The following AIG1 variants were observed in gnomAD, a reference collection of about 807,000 sequenced individuals.
The protein encoded by AIG1 is androgen-induced gene 1 protein.
AIG1 carries 23 observed loss-of-function variants against 31.4 expected under a neutral mutation model. The ratio of observed to expected loss-of-function variants is 0.73; its 90% CI spans 0.53 to 1.04. The LOEUF (loss-of-function observed/expected upper bound fraction) is 1.04. Among genes scored for constraint, AIG1 ranks in the 50% least tolerant of loss-of-function variants. The pLI, the probability that AIG1 is intolerant of heterozygous loss-of-function variation, is 0.00. For missense variants in AIG1, 274 were observed against 295.0 expected, an observed-to-expected ratio of 0.93 and a Z score of 0.52; for synonymous variants, 100 against 110.5, an observed-to-expected ratio of 0.90 and a Z score of 0.60.
intron 3 of AIG1, among the ~76,000 whole-genome samples, chr6:143,244,866 T>C (rs897583207): frequency 2.0e-5 from 3 of 152,188 alleles, no homozygotes; most frequent in African/African-American, 7.2e-5. Context: ...CACTAAAGCC[T>C]TTCTCACAAC....
intron 3 of AIG1, chr6:143,187,594 G>A: frequency 6.5e-7 from 1 of 1,536,078 alleles, no homozygotes; most frequent in Non-Finnish European, 8.7e-7. Context: ...GGGAGAGAAG[G>A]CAATTAAAAG....
intron 1 of AIG1, among the ~76,000 whole-genome samples, chr6:143,116,616 G>A (rs191285787): frequency 1.1e-3 from 163 of 150,756 alleles, no homozygotes; most frequent in South Asian, 5.3e-3. Context: ...GGCCTATTTT[G>A]CCAAATCCCT....
At chr6:143,304,022 C>CT (rs1463491022) in intron 4 of AIG1, among the ~76,000 whole-genome samples, 1 of 146,552 alleles carries the variant, frequency 6.8e-6, no homozygotes, top group Non-Finnish European at 1.5e-5. Context: ...ATTTGGCTCT[C>CT]TGTTTGTCTG....
In AIG1 at chr6:143,298,322, A is replaced by G. The variant is rs927740175; in HGVS notation, c.515+14097A>G. 1.3e-5 allele frequency among the ~76,000 whole-genome samples: 2 copies of G among 152,146 alleles called. No homozygotes were observed. On this transcript the variant is annotated intron_variant, in intron 4 of 5. Coordinates refer to ENST00000357847, the MANE Select transcript of AIG1 (RefSeq NM_016108.4). The surrounding 1 kb of genome is among the most constrained non-coding windows in gnomAD (Gnocchi z 5.1). ...ATCAGGCCAAGTGCCTTCTATAAACATGTTCCCCTTATTCTCCCTTTGCCA... is the reference window on the plus strand; with the variant it reads ...ATCAGGCCAAGTGCCTTCTATAAACGTGTTCCCCTTATTCTCCCTTTGCCA...
rs1776798323 is a variant in AIG1 at position 143,328,575 on chromosome 6, G to A, written c.516-4707G>A. On this transcript the variant is annotated intron_variant, in intron 4 of 5. Transcript: ENST00000357847. The surrounding 1 kb of genome is among the most constrained non-coding windows in gnomAD (Gnocchi z 4.0). The stretch of plus-strand genomic sequence containing the variant: ...TTCTCATTACACTGTACTCCATGAG[G>A]ACAGGAGTTAGCTCTGCCTCATTTA... Among the ~76,000 whole-genome samples, 1 of 152,236 alleles carries A rather than the reference G, an allele frequency of 6.6e-6. No individual in the cohort carries two copies. Among genetic ancestry groups the A allele is most frequent in the Admixed American group, 6.5e-5 (1 of 15,290 alleles).
intron 1 of AIG1, among the ~76,000 whole-genome samples, chr6:143,127,520 C>T (rs1278169526): frequency 6.6e-6 from 1 of 152,210 alleles, no homozygotes; most frequent in African/African-American, 2.4e-5. Context: ...GACAAATATA[C>T]TCTGGCCTTT....
At chr6:143,250,115 C>T (rs1794909641) in intron 3 of AIG1, among the ~76,000 whole-genome samples, 1 of 152,208 alleles carries the variant, frequency 6.6e-6, no homozygotes, top group South Asian at 2.1e-4. Flanking sequence ...CTGGTTGAGC[C>T]CAGGCGTGGT....
chr6:143,343,177 T>C, downstream of AIG1: 1 of 725,936 alleles, frequency 1.4e-6, no homozygotes, highest in South Asian at 1.4e-5. Context: ...GGAAATGCCC[T>C]ACAATCCATT....
intron 1 of AIG1, among the ~76,000 whole-genome samples, chr6:143,083,636 T>C (rs898514946): frequency 2.0e-5 from 3 of 152,208 alleles, no homozygotes; most frequent in African/African-American, 7.2e-5. Context: ...AATTGGAGTA[T>C]TGCAGGGGCT....
intron 1 of AIG1, among the ~76,000 whole-genome samples, chr6:143,136,484 A>G (rs1016150475): frequency 6.6e-6 from 1 of 152,232 alleles, no homozygotes; most frequent in African/African-American, 2.4e-5. Flanking sequence ...TGATTTAGAC[A>G]TGACATAGAA....
intron 3 of AIG1, among the ~76,000 whole-genome samples, chr6:143,211,848 A>C (rs1256261235): frequency 1.3e-5 from 2 of 151,914 alleles, no homozygotes; most frequent in Non-Finnish European, 2.9e-5. Context: ...CGCTGAGATC[A>C]CACCACTGCA....
At position 143,303,145 on chromosome 6, in the gene AIG1, G is replaced by A. The variant is rs541477445; in HGVS notation, c.515+18920G>A. 9.1e-3 allele frequency among the ~76,000 whole-genome samples: 1,389 copies of A among 151,998 alleles called. 15 individuals carry two copies. The highest frequency in any genetic ancestry group is 0.032 in the African/African-American group (1,337 of 41,444). On this transcript the variant is annotated intron_variant, in intron 4 of 5. Coordinates refer to ENST00000357847, the MANE Select transcript of AIG1 (RefSeq NM_016108.4). ...TATTAGCCCTTTGTCAGATGAGTAG[G>A]TTGTGAAAATTTTCTCCCATTTTGT...
chr6:143,172,822 A>G (rs1460864137), intron 3 of AIG1, among the ~76,000 whole-genome samples: 2 of 152,040 alleles, frequency 1.3e-5, no homozygotes, highest in South Asian at 2.1e-4. Context: ...GAATTTATCC[A>G]TCTCCTCTAG....
rs57503677 is a variant in AIG1 at position 143,297,091 on chromosome 6, CA to C, written c.515+12868del. 0.071 allele frequency among the ~76,000 whole-genome samples: 10,294 copies of C among 144,138 alleles called. 940 individuals are homozygous for C. The highest frequency in any genetic ancestry group is 0.23 in the African/African-American group (8,551 of 37,512). The allele number at this position is 144,138 out of a possible 152,430, so 94.6% of individuals were successfully genotyped here. ...TCATCCAGTTGATAACTGCTATTTG[CA>C]AGAGGAAAATAGAGTCTACGGAAGG... is the stretch of plus-strand genomic sequence containing the variant. On this transcript the variant is annotated intron_variant, in intron 4 of 5. Transcript: ENST00000357847. The surrounding 1 kb of genome is among the most constrained non-coding windows in gnomAD (Gnocchi z 5.1).
At chr6:143,110,689 G>A (rs571968746) in intron 1 of AIG1, among the ~76,000 whole-genome samples, 5 of 152,266 alleles carry the variant, frequency 3.3e-5, no homozygotes, top group South Asian at 2.1e-4. Context: ...GAGGAGGTGC[G>A]GAGTTTTTTT....
chr6:143,245,659 C>G (rs1794570234), intron 3 of AIG1, among the ~76,000 whole-genome samples: 1 of 152,178 alleles, frequency 6.6e-6, no homozygotes, highest in South Asian at 2.1e-4. Context: ...CTTCATCCAG[C>G]TTTTTCCTAC....
At chr6:143,255,481 A>G (rs1490562907) in intron 3 of AIG1, among the ~76,000 whole-genome samples, 1 of 152,088 alleles carries the variant, frequency 6.6e-6, no homozygotes, top group Non-Finnish European at 1.5e-5. Flanking sequence ...GTCTTGTCCT[A>G]TAAAGTTACC....
In AIG1 at chr6:143,061,030, C is replaced by A. The variant is rs748531648; in HGVS notation, c.105C>A (p.Tyr35Ter). 2 of 1,613,476 alleles carry A rather than the reference C, an allele frequency of 1.2e-6. No homozygotes were observed. Among genetic ancestry groups the A allele is most frequent in the East Asian group, 4.5e-5 (2 of 44,826 alleles). ...TCGAAATGCCCTCACACCAGACCTA[C>A]GGAGGGAGCTGGAAATTCCTGACGT... ...KAIEMPSHQT[Y>*]GGSWKFLTFI... The change falls in exon 1 of 6, where the codon TAC becomes TAA. Residue 35 changes from tyrosine to a stop codon, truncating the protein, a stop_gained. Transcript: ENST00000357847. LOFTEE classifies it high-confidence loss of function.
At position 143,258,834 on chromosome 6, in the gene AIG1, A is replaced by T. The variant is rs771425809; in HGVS notation, c.400-25276A>T. Among the ~76,000 whole-genome samples the T allele has an allele frequency of 2.2e-4, 33 of 152,272 alleles. No individual in the cohort carries two copies. The highest frequency in any genetic ancestry group is 4.3e-4 in the Non-Finnish European group (29 of 68,016). On this transcript the variant is annotated intron_variant, in intron 3 of 5. Coordinates refer to ENST00000357847, the MANE Select transcript of AIG1 (RefSeq NM_016108.4). The surrounding 1 kb of genome is among the most constrained non-coding windows in gnomAD (Gnocchi z 4.7). ...AATGGGAGGTGTTTGGGTTATGGGG[A>T]TGGACCCTCATGAATAGATGGATGT...
Sources: allele counts gnomAD v4.1 joint callset (sites outside exome capture counted in the v4.1 genomes callset), GRCh38; gene constraint gnomAD v4.1.1; non-coding constraint Gnocchi (gnomAD v3.1); transcripts MANE v1.5; gene names NCBI Gene and HGNC (gene_info 2026-07-23, HGNC 2026-07-21).